CPNE8: variants seen among roughly 807,000 people sequenced by gnomAD.
CPNE8 encodes the protein copine 8.
CPNE8 carries 45 observed loss-of-function variants against 81.5 expected under a neutral mutation model. The observed-to-expected ratio is 0.55, with a 90% CI of 0.44 to 0.71. The LOEUF (loss-of-function observed/expected upper bound fraction) is 0.71. Among genes scored for constraint, CPNE8 ranks in the 30% least tolerant of loss-of-function variants. CPNE8 has a pLI of 0.00. For missense variants in CPNE8, 594 were observed against 672.1 expected (o/e 0.88, Z 1.28); for synonymous variants, 252 against 226.3 (o/e 1.11, Z -1.02).
chr12:38,742,631 A>T (rs1205226407), intron 10 of CPNE8, among the ~76,000 whole-genome samples: 2 of 151,738 alleles, frequency 1.3e-5, no homozygotes, highest in Non-Finnish European at 2.9e-5. Context: ...ATAAATATAT[A>T]ACAAACCTGC....
chr12:38,778,715 A>G (rs1033274370), intron 6 of CPNE8, among the ~76,000 whole-genome samples: 11 of 152,194 alleles, frequency 7.2e-5, no homozygotes, highest in Non-Finnish European at 4.4e-5. Flanking sequence ...TGTTAAAAGG[A>G]CAAATTGTTA....
chr12:38,708,832 T>C (rs1261393686), intron 13 of CPNE8, among the ~76,000 whole-genome samples: 1 of 152,196 alleles, frequency 6.6e-6, no homozygotes, highest in African/African-American at 2.4e-5. Context: ...TTACATGTGT[T>C]TTCTACAGCT....
At chr12:38,693,382 C>CT (rs1440983688) in intron 15 of CPNE8, among the ~76,000 whole-genome samples, 1 of 152,034 alleles carries the variant, frequency 6.6e-6, no homozygotes, top group East Asian at 1.9e-4. Context: ...TTTGATATCT[C>CT]TAAGTTTTAG....
intron 16 of CPNE8, chr12:38,679,684 G>A (rs189370600): frequency 4.0e-5 from 39 of 984,896 alleles, no homozygotes; most frequent in Admixed American, 6.2e-5. Context: ...TGTTCTACAC[G>A]TTGGCACATT....
At chr12:38,713,880 A>C (rs1460280198) in intron 13 of CPNE8, among the ~76,000 whole-genome samples, 1 of 152,112 alleles carries the variant, frequency 6.6e-6, no homozygotes, top group Non-Finnish European at 1.5e-5. Flanking sequence ...TAACACACTC[A>C]ATTTTCTGAT....
chr12:38,861,181 T>C (rs1469638841), intron 3 of CPNE8, among the ~76,000 whole-genome samples: 4 of 152,036 alleles, frequency 2.6e-5, no homozygotes, highest in Non-Finnish European at 5.9e-5. Flanking sequence ...GTATCTAAAA[T>C]AGTCAAACTT....
At chr12:38,903,940 C>T (rs1342243758) in intron 1 of CPNE8, among the ~76,000 whole-genome samples, 2 of 152,088 alleles carry the variant, frequency 1.3e-5, no homozygotes, top group Non-Finnish European at 2.9e-5. Flanking sequence ...TCTTAAGAGG[C>T]GGCAAACAAT....
chr12:38,767,567 G>A, intron 8 of CPNE8, 68 bp downstream of exon 8: 1 of 957,818 alleles, frequency 1.0e-6, no homozygotes, highest in Non-Finnish European at 1.5e-6. Flanking sequence ...GAGCTTCTCT[G>A]AGAAAAATAA....
At chr12:38,867,329 TGTGTGTGTGTGA>T (rs1208076482) in intron 3 of CPNE8, among the ~76,000 whole-genome samples, 7 of 143,410 alleles carry the variant, frequency 4.9e-5, no homozygotes, top group African/African-American at 1.9e-4. Flanking sequence ...TGTGTGTGTG[TGTGTGTGTGTGA>T]GAGAGAGAGA....
chr12:38,690,071 G>A (rs527848345), intron 15 of CPNE8, among the ~76,000 whole-genome samples: 4 of 152,058 alleles, frequency 2.6e-5, no homozygotes, highest in African/African-American at 4.8e-5. Context: ...TTATACACTG[G>A]GGGTAATTTA....
chr12:38,685,557 T>C lies in CPNE8; in HGVS notation c.1204A>G (p.Arg402Gly), dbSNP rs199991967. The C allele has an allele frequency of 3.7e-6, 6 of 1,613,652 alleles. No homozygotes were observed. The highest frequency in any genetic ancestry group is 4.5e-5 in the East Asian group (2 of 44,820). The change falls in exon 16 of 20, where the codon AGG becomes GGG. Residue 402 changes from arginine to glycine, a missense_variant. Coordinates refer to ENST00000331366, the MANE Select transcript of CPNE8 (RefSeq NM_153634.3). ...GIEGVMEAYY[R>G]SLKSVQLYGP... is the part of the protein sequence containing the mutation. ...TATAGTTGTACAGATTTCAGACTCC[T>C]GTAATAAGCCTCCATGACCCCCTCA...
At chr12:38,868,365 C>T (rs181032446) in intron 3 of CPNE8, among the ~76,000 whole-genome samples, 93 of 152,140 alleles carry the variant, frequency 6.1e-4, no homozygotes, top group Admixed American at 1.0e-3. Context: ...TAAATTTTCC[C>T]ATTCTGATTT....
At chr12:38,787,263 G>A (rs1942214762) in intron 6 of CPNE8, among the ~76,000 whole-genome samples, 1 of 151,890 alleles carries the variant, frequency 6.6e-6, no homozygotes, top group South Asian at 2.1e-4. Flanking sequence ...CATTTTCTCT[G>A]ACTACAATGT....
chr12:38,899,059 T>C (rs1393274004), intron 1 of CPNE8, among the ~76,000 whole-genome samples: 3 of 152,170 alleles, frequency 2.0e-5, no homozygotes, highest in Non-Finnish European at 4.4e-5. Context: ...TTATGGATTA[T>C]AAAATCATAC....
At chr12:38,863,392 C>T (rs1163420536) in intron 3 of CPNE8, among the ~76,000 whole-genome samples, 1 of 152,154 alleles carries the variant, frequency 6.6e-6, no homozygotes, top group African/African-American at 2.4e-5. Flanking sequence ...CTTTGTCAGA[C>T]ATTTAACTAA....
chr12:38,797,415 G>T (rs12949503), intron 6 of CPNE8, among the ~76,000 whole-genome samples: 2 of 152,106 alleles, frequency 1.3e-5, no homozygotes, highest in African/African-American at 2.4e-5. Flanking sequence ...CTGCAGACAC[G>T]GCTGCGGATA....
At position 38,826,013 on chromosome 12, in the gene CPNE8, T is replaced by C. The variant is rs1943184321; in HGVS notation, c.407+3366A>G. Among the ~76,000 whole-genome samples the C allele has an allele frequency of 2.0e-5, 3 of 152,326 alleles. No individual in the cohort carries two copies. In the East Asian group the frequency reaches 5.8e-4, roughly 29 times the overall value. ...TTCACTACTGTTTAATGAATGTAAT[T>C]GCAACCAGTCTGCAATTCCTAAGGT... On this transcript the variant is annotated intron_variant, in intron 6 of 19. Transcript: ENST00000331366.
intron 6 of CPNE8, among the ~76,000 whole-genome samples, chr12:38,814,872 T>C (rs773653448): frequency 6.6e-6 from 1 of 152,202 alleles, no homozygotes; most frequent in South Asian, 2.1e-4. Flanking sequence ...AGGTTCATCA[T>C]GGACCCCATT....
intron 15 of CPNE8, among the ~76,000 whole-genome samples, chr12:38,689,812 C>A (rs1195835088): frequency 6.6e-6 from 1 of 152,184 alleles, no homozygotes; most frequent in Non-Finnish European, 1.5e-5. Context: ...AATACCTCTA[C>A]CAGAGCTCCG....
Sources: gnomAD v4.1 joint callset for allele counts (sites outside exome capture counted in the v4.1 genomes callset) on GRCh38, gnomAD v4.1.1 for gene constraint, MANE v1.5 for transcripts, NCBI Gene and HGNC (gene_info 2026-07-23, HGNC 2026-07-21) for gene names.